Variants in ECD observed in about 807,000 individuals in gnomAD.
ECD encodes the protein protein ecdysoneless homolog.
ECD carries 59 observed loss-of-function variants against 77.2 expected under a neutral mutation model. The ratio of observed to expected loss-of-function variants is 0.76; its 90% confidence interval spans 0.62 to 0.95. The LOEUF (loss-of-function observed/expected upper bound fraction) is 0.95, where lower values mean the gene tolerates loss of function less well. Among genes scored for constraint, ECD ranks in the 40% least tolerant of loss-of-function variants. ECD has a pLI of 0.00. For missense variants in ECD, 704 were observed against 763.4 expected (o/e 0.92, Z 0.92); for synonymous variants, 233 against 267.4 (o/e 0.87, Z 1.26).
At chr10:73,151,293 G>A (rs530190054) in intron 7 of ECD, among the ~76,000 whole-genome samples, 13 of 148,120 alleles carry the variant, frequency 8.8e-5, no homozygotes, top group East Asian at 2.0e-4. Flanking sequence ...ACCAAACACC[G>A]CATGTTCTCA....
chr10:73,144,996 C>G (rs1262301126), intron 9 of ECD, among the ~76,000 whole-genome samples: 1 of 152,128 alleles, frequency 6.6e-6, no homozygotes, highest in African/African-American at 2.4e-5. Context: ...TTGTATGCCA[C>G]ATGGACATTA....
At chr10:73,134,934 C>A in intron 13 of ECD, 121 bp from the exon 14 acceptor site, 2 of 826,800 alleles carry the variant, frequency 2.4e-6, no homozygotes, top group Non-Finnish European at 3.7e-6. Flanking sequence ...AAGGAAACTT[C>A]TTATCCTTGG....
intron 9 of ECD, among the ~76,000 whole-genome samples, chr10:73,141,839 T>C (rs927703312): frequency 3.3e-5 from 5 of 152,250 alleles, no homozygotes; most frequent in African/African-American, 1.2e-4. Flanking sequence ...GCAAGTCCTT[T>C]ATACAACTTG....
At chr10:73,143,830 T>C (rs2133253805) in intron 9 of ECD, among the ~76,000 whole-genome samples, 2 of 146,230 alleles carry the variant, frequency 1.4e-5, no homozygotes, top group South Asian at 4.5e-4. Flanking sequence ...ATTTATAACT[T>C]GCTTTTTTTT....
chr10:73,144,706 A>G (rs1162174667), intron 9 of ECD, among the ~76,000 whole-genome samples: 1 of 152,146 alleles, frequency 6.6e-6, no homozygotes, highest in Non-Finnish European at 1.5e-5. Context: ...GACTTGCCCA[A>G]AATTCTTTCT....
chr10:73,152,178 T>G, intron 7 of ECD, 115 bp downstream of exon 7: 1 of 1,267,924 alleles, frequency 7.9e-7, no homozygotes, highest in Non-Finnish European at 1.1e-6. Context: ...TGCCACATTT[T>G]ACTGCATTCT....
intron 2 of ECD, among the ~76,000 whole-genome samples, chr10:73,163,431 TATAG>T (rs768052472): frequency 2.0e-5 from 3 of 152,186 alleles, no homozygotes; most frequent in Non-Finnish European, 4.4e-5. Flanking sequence ...AACTATTTAG[TATAG>T]ATACTTAGAT....
chr10:73,139,849 GTTT>G (rs79373628), intron 9 of ECD, 112 bp from the exon 10 acceptor site: 1,900 of 432,954 alleles, frequency 4.4e-3, no homozygotes, highest in Non-Finnish European at 5.0e-3. Context: ...TTTGGGGAGT[GTTT>G]TTTTTTTTTT....
chr10:73,146,478 C>A, intron 8 of ECD, 117 bp from the exon 9 acceptor site: 1 of 539,468 alleles, frequency 1.9e-6, no homozygotes, highest in Non-Finnish European at 3.2e-6. Context: ...AATCACGTGC[C>A]CCAAGTCCTA....
At position 73,146,291 on chromosome 10, in the gene ECD, A is replaced by C; in HGVS notation, c.1112T>G (p.Val371Gly). 1.2e-6 allele frequency: 2 copies of C among 1,608,122 alleles called. No homozygotes were observed. The highest frequency in any genetic ancestry group is 2.2e-5 in the South Asian group (2 of 90,522). ...EMAENYFQLS[V>G]DWPESSLAMS... Reference sequence around the variant, plus strand: ...AATAACTCACCTTTCTGGCCAGTCTACTGAGAGCTGGAAGTAATTCTCTGC... The same window carrying C: ...AATAACTCACCTTTCTGGCCAGTCTCCTGAGAGCTGGAAGTAATTCTCTGC... Residue 371 changes from valine (V) to glycine (G), a missense_variant, in exon 9 of 14, where the codon GTA (valine) becomes GGA (glycine). Val to Gly is a moderately radical substitution (Grantham distance 109). Around this residue, in one of 3 missense-constraint regions of ECD, gnomAD observed 559 missense variants for 583.7 expected, o/e 0.96. Coordinates refer to ENST00000372979, the MANE Select transcript of ECD (RefSeq NM_007265.3).
At chr10:73,148,488 CCA>C in intron 7 of ECD, 84 bp from the exon 8 acceptor site, 1 of 1,492,416 alleles carries the variant, frequency 6.7e-7, no homozygotes, top group Non-Finnish European at 9.1e-7. Context: ...TTCCATTGAG[CCA>C]CACTCTAGAA....
intron 3 of ECD, among the ~76,000 whole-genome samples, chr10:73,159,705 G>A (rs1000746477): frequency 6.9e-6 from 1 of 144,398 alleles, no homozygotes; most frequent in African/African-American, 2.6e-5. Context: ...GTGCAATGGC[G>A]CGATCTCGGC....
At chr10:73,147,602 A>G (rs910850276) in intron 8 of ECD, among the ~76,000 whole-genome samples, 1 of 151,938 alleles carries the variant, frequency 6.6e-6, no homozygotes, top group African/African-American at 2.4e-5. Context: ...TACTTTTCGT[A>G]TTGCTGTGCC....
Position 73,139,590 on chromosome 10 carries a change from T to C in ECD, c.1234+41A>G, listed in dbSNP as rs776899584. The C allele has an allele frequency of 1.9e-6, 3 of 1,583,130 alleles. No homozygotes were observed. In the Admixed American group the frequency reaches 5.8e-5, roughly 31 times the overall value. Reference sequence around the variant, plus strand: ...AGACTGAGTAGAACATTTTAATTTTTTTTTTTTAACCCTTCCACTGTATCC... The same window carrying C: ...AGACTGAGTAGAACATTTTAATTTTCTTTTTTTAACCCTTCCACTGTATCC... On this transcript the variant is annotated intron_variant, in intron 10 of 13. Coordinates refer to ENST00000372979, the MANE Select transcript of ECD (RefSeq NM_007265.3).
Position 73,134,803 on chromosome 10 carries a change from G to A in ECD, c.1715C>T (p.Ser572Phe), listed in dbSNP as rs757883984. 1 of 1,613,990 alleles carries A rather than the reference G, an allele frequency of 6.2e-7. No individual in the cohort carries two copies. Among genetic ancestry groups the A allele is most frequent in the South Asian group, 1.1e-5 (1 of 91,072 alleles). The stretch of plus-strand genomic sequence containing the variant: ...ATCTGAATTGTTATCGGTAGTCTGG[G>A]ATACAGGTTCCTTATTCATAGAGGG... Reference protein sequence around the residue: ...FTTRNQVEPVSQTTDNNSDEE... With the variant: ...FTTRNQVEPVFQTTDNNSDEE... Residue 572 changes from serine to phenylalanine, a missense_variant, in exon 14 of 14, where the codon TCC (serine) becomes TTC (phenylalanine). Coordinates refer to ENST00000372979, the MANE Select transcript of ECD (RefSeq NM_007265.3).
chr10:73,137,881 A>G (rs1842996637), intron 12 of ECD, 122 bp downstream of exon 12: 2 of 678,256 alleles, frequency 2.9e-6, no homozygotes, highest in Admixed American at 8.1e-5. Context: ...GTTGAAAGCA[A>G]CTCAAACCAG....
chr10:73,140,595 T>C (rs916843404), intron 9 of ECD, among the ~76,000 whole-genome samples: 23 of 151,988 alleles, frequency 1.5e-4, no homozygotes, highest in East Asian at 7.8e-4. Flanking sequence ...GGCAGGAGAA[T>C]TGCTTGAACC....
chr10:73,162,830 G>A (rs947678942), intron 2 of ECD, among the ~76,000 whole-genome samples: 1 of 152,170 alleles, frequency 6.6e-6, no homozygotes, highest in African/African-American at 2.4e-5. Context: ...TATGTCTGCT[G>A]CTTAAACTTC....
chr10:73,140,122 C>T (rs371731753), intron 9 of ECD, among the ~76,000 whole-genome samples: 1 of 151,856 alleles, frequency 6.6e-6, no homozygotes, highest in African/African-American at 2.4e-5. Context: ...GTAGCTGAGA[C>T]TACAGGCATG....
Sources: gnomAD v4.1 joint callset for allele counts (sites outside exome capture counted in the v4.1 genomes callset) on GRCh38, gnomAD v4.1.1 for gene constraint, gnomAD v4.1.1 regional missense constraint, MANE v1.5 for transcripts, NCBI Gene and HGNC (gene_info 2026-07-23, HGNC 2026-07-21) for gene names.